The following GPC5 variants were observed in gnomAD, a reference collection of about 807,000 sequenced individuals.
GPC5 encodes glypican 5.
GPC5 carries 47 observed loss-of-function variants against 53.9 expected under a neutral mutation model. The ratio of observed to expected loss-of-function variants is 0.87; its 90% CI spans 0.69 to 1.11. The LOEUF (loss-of-function observed/expected upper bound fraction) is 1.11. GPC5 is among the 50% of genes most tolerant of loss of function. GPC5 has a pLI of 0.00. For synonymous variants in GPC5, 286 were observed against 263.3 expected (o/e 1.09, Z -0.84); for missense variants, 748 against 713.1 (o/e 1.05, Z -0.56).
At chr13:92,015,106 C>A (rs1251531741) in intron 6 of GPC5, among the ~76,000 whole-genome samples, 2 of 152,052 alleles carry the variant, frequency 1.3e-5, no homozygotes, top group Non-Finnish European at 2.9e-5. Context: ...CAAGCAAATA[C>A]TTTTCAAAGT....
chr13:91,808,864 G>C (rs547049164), intron 5 of GPC5, among the ~76,000 whole-genome samples: 9 of 152,142 alleles, frequency 5.9e-5, no homozygotes, highest in South Asian at 4.1e-4. Flanking sequence ...TTCTGAGCCA[G>C]TGCTAGCATT....
chr13:92,244,621 T>A (rs2042637014), intron 7 of GPC5, among the ~76,000 whole-genome samples: 1 of 152,198 alleles, frequency 6.6e-6, no homozygotes, highest in African/African-American at 2.4e-5. Flanking sequence ...ACATAGGTGT[T>A]TGTTTTTTTA....
chr13:91,821,713 T>TA (rs1243499588), intron 5 of GPC5, among the ~76,000 whole-genome samples: 106 of 152,272 alleles, frequency 7.0e-4, no homozygotes, highest in African/African-American at 2.3e-3. Context: ...TCTTCTAATC[T>TA]ATTCATATGA....
chr13:91,632,755 A>G (rs1025993301), intron 2 of GPC5, among the ~76,000 whole-genome samples: 14 of 152,164 alleles, frequency 9.2e-5, no homozygotes, highest in Non-Finnish European at 1.0e-4. Flanking sequence ...TAACTTCTAA[A>G]ACAATCAAAA....
chr13:92,627,102 TA>T (rs1885069998), intron 7 of GPC5, among the ~76,000 whole-genome samples: 2 of 152,178 alleles, frequency 1.3e-5, no homozygotes, highest in Non-Finnish European at 2.9e-5. Flanking sequence ...TCCTTCTTAC[TA>T]AGTCACAAGG....
At chr13:92,441,401 T>A (rs1291704291) in intron 7 of GPC5, among the ~76,000 whole-genome samples, 2 of 152,184 alleles carry the variant, frequency 1.3e-5, no homozygotes, top group Non-Finnish European at 2.9e-5. Context: ...TGAGAGTATC[T>A]CTCTTTGCCT....
chr13:92,356,250 G>A (rs373709508), intron 7 of GPC5, among the ~76,000 whole-genome samples: 2 of 152,098 alleles, frequency 1.3e-5, no homozygotes, highest in African/African-American at 2.4e-5. Context: ...CCAGGGTGGC[G>A]GGAGAGGAAT....
chr13:92,173,234 C>T (rs1456259639), intron 7 of GPC5, among the ~76,000 whole-genome samples: 6 of 151,950 alleles, frequency 3.9e-5, no homozygotes, highest in South Asian at 2.1e-4. Context: ...AAACAGAGAT[C>T]GGCCATTCTC....
At chr13:91,758,074 C>T (rs984886128) in intron 5 of GPC5, among the ~76,000 whole-genome samples, 1 of 152,074 alleles carries the variant, frequency 6.6e-6, no homozygotes. Context: ...AAGACAAAAA[C>T]TGTATTTAAA....
chr13:91,971,210 G>A (rs978450963), intron 6 of GPC5, among the ~76,000 whole-genome samples: 7 of 152,086 alleles, frequency 4.6e-5, no homozygotes, highest in South Asian at 2.1e-4. Context: ...TGTATGTGTC[G>A]AGGAATTTAT....
At chr13:91,461,311 C>T (rs1225574577) in intron 2 of GPC5, among the ~76,000 whole-genome samples, 1 of 152,052 alleles carries the variant, frequency 6.6e-6, no homozygotes, top group East Asian at 1.9e-4. Context: ...ATTGAAGATG[C>T]TTTGTAGTAG....
At chr13:91,922,551 A>T (rs1419653617) in intron 6 of GPC5, among the ~76,000 whole-genome samples, 1 of 152,142 alleles carries the variant, frequency 6.6e-6, no homozygotes, top group Non-Finnish European at 1.5e-5. Context: ...AACACCAATT[A>T]TATCTTTTTC....
At chr13:92,252,540 T>C (rs1230899584) in intron 7 of GPC5, among the ~76,000 whole-genome samples, 2 of 152,060 alleles carry the variant, frequency 1.3e-5, no homozygotes, top group Non-Finnish European at 2.9e-5. Context: ...ATTCTTGGGG[T>C]AAGAATGTTA....
At chr13:92,847,298 T>G (rs1247565923) in intron 7 of GPC5, among the ~76,000 whole-genome samples, 1 of 152,142 alleles carries the variant, frequency 6.6e-6, no homozygotes, top group Admixed American at 6.6e-5. Context: ...GCAGGAAAAC[T>G]TAGTTTACCT....
intron 7 of GPC5, among the ~76,000 whole-genome samples, chr13:92,344,517 T>C (rs1324865646): frequency 6.6e-6 from 1 of 152,202 alleles, no homozygotes; most frequent in Non-Finnish European, 1.5e-5. Context: ...CTGATGATTC[T>C]ATACATACAC....
chr13:92,790,922 A>G (rs955047350), intron 7 of GPC5, among the ~76,000 whole-genome samples: 1 of 152,150 alleles, frequency 6.6e-6, no homozygotes, highest in Admixed American at 6.6e-5. Flanking sequence ...AAAACAAAGA[A>G]ATGTTGAGAT....
At chr13:91,454,663 G>A (rs1272903101) in intron 2 of GPC5, among the ~76,000 whole-genome samples, 1 of 152,016 alleles carries the variant, frequency 6.6e-6, no homozygotes, top group Non-Finnish European at 1.5e-5. Context: ...ATGATACTTA[G>A]CAAGAAGACT....
At chr13:91,629,201 C>T (rs1028523193) in intron 2 of GPC5, among the ~76,000 whole-genome samples, 2 of 152,058 alleles carry the variant, frequency 1.3e-5, no homozygotes, top group Admixed American at 6.6e-5. Context: ...TTTGTCCAGC[C>T]ACACTTTTTA....
chr13:92,770,453 A>ACAAC (rs1875572443), intron 7 of GPC5, among the ~76,000 whole-genome samples: 1 of 150,162 alleles, frequency 6.7e-6, no homozygotes, highest in Non-Finnish European at 1.5e-5. Flanking sequence ...AAACATGCTT[A>ACAAC]CAACCACAAC....
Sources: allele counts gnomAD v4.1 joint callset (sites outside exome capture counted in the v4.1 genomes callset), GRCh38; gene constraint gnomAD v4.1.1; transcripts MANE v1.5; gene names NCBI Gene and HGNC (gene_info 2026-07-23, HGNC 2026-07-21).